Variants in MDGA2 observed in about 807,000 individuals in gnomAD.
MDGA2 encodes the protein MAM domain-containing glycosylphosphatidylinositol anchor protein 2.
In MDGA2, 40 loss-of-function variants were observed where a neutral mutation model predicts 117.8. The observed-to-expected ratio is 0.34, with a 90% confidence interval of 0.26 to 0.44. The LOEUF is 0.44. MDGA2 is among the 20% of genes least tolerant of loss of function. MDGA2 has a pLI of 1.00. For synonymous variants in MDGA2, 452 were observed against 439.0 expected (o/e 1.03, Z -0.37); for missense variants, 1,123 against 1,250.6 (o/e 0.90, Z 1.54).
At chr14:47,192,508 G>C (rs1885153075) in intron 3 of MDGA2, among the ~76,000 whole-genome samples, 1 of 152,096 alleles carries the variant, frequency 6.6e-6, no homozygotes, top group Admixed American at 6.5e-5. Context: ...CCAGCTACTT[G>C]GGAGGCTGAG....
At chr14:47,089,499 C>T (rs963397195) in intron 6 of MDGA2, among the ~76,000 whole-genome samples, 8 of 152,126 alleles carry the variant, frequency 5.3e-5, no homozygotes, top group Admixed American at 4.6e-4. Flanking sequence ...CCTCAGCCCC[C>T]TGAGTAGTTG....
At chr14:47,193,756 C>T (rs1469859250) in intron 3 of MDGA2, among the ~76,000 whole-genome samples, 1 of 152,142 alleles carries the variant, frequency 6.6e-6, no homozygotes, top group Non-Finnish European at 1.5e-5. Context: ...TAAAATTGTG[C>T]TCCTTTCTTC....
chr14:47,471,039 G>T (rs988617687), intron 1 of MDGA2, among the ~76,000 whole-genome samples: 1 of 152,090 alleles, frequency 6.6e-6, no homozygotes, highest in Non-Finnish European at 1.5e-5. Context: ...CTCTACTTGG[G>T]GTGGTATTGG....
chr14:47,164,532 C>A (rs1566659167), intron 3 of MDGA2, among the ~76,000 whole-genome samples: 2 of 152,156 alleles, frequency 1.3e-5, no homozygotes. Context: ...CAGAGAAATG[C>A]AAATCAAAAC....
At chr14:47,203,320 G>C (rs1885575888) in intron 3 of MDGA2, among the ~76,000 whole-genome samples, 1 of 151,950 alleles carries the variant, frequency 6.6e-6, no homozygotes, top group Non-Finnish European at 1.5e-5. Context: ...TATTTGTCAT[G>C]ACATGGGAGT....
chr14:47,222,423 G>C (rs1358682784), intron 2 of MDGA2, among the ~76,000 whole-genome samples: 3 of 152,028 alleles, frequency 2.0e-5, no homozygotes, highest in Non-Finnish European at 2.9e-5. Context: ...ATTCAGTAAA[G>C]TACAGAGCCA....
chr14:47,172,292 C>A (rs1283498440), intron 3 of MDGA2, among the ~76,000 whole-genome samples: 1 of 152,130 alleles, frequency 6.6e-6, no homozygotes, highest in Admixed American at 6.5e-5. Context: ...TTGAAGAGAG[C>A]AGTGGTTCTC....
chr14:46,862,146 A>G (rs1595002027), intron 14 of MDGA2, among the ~76,000 whole-genome samples: 1 of 152,056 alleles, frequency 6.6e-6, no homozygotes, highest in African/African-American at 2.4e-5. Context: ...TTCAAATTCT[A>G]TAGTTCTAGA....
intron 14 of MDGA2, among the ~76,000 whole-genome samples, chr14:46,862,423 A>G (rs1881547755): frequency 6.7e-6 from 1 of 148,828 alleles, no homozygotes; most frequent in South Asian, 2.1e-4. Flanking sequence ...ATATATTATA[A>G]TATAAACTAT....
rs561791939 is a variant in MDGA2 at position 46,955,405 on chromosome 14, C to T, written c.2089+1969G>A. 4.6e-5 allele frequency among the ~76,000 whole-genome samples: 7 copies of T among 152,042 alleles called. No individual in the cohort carries two copies. In the East Asian group the frequency reaches 9.6e-4, roughly 21 times the overall value. ...CTGCTATGACTTCACCATTAAAATA[C>T]GAGTAAATAAAATATATGCAAATGC... On this transcript the variant is annotated intron_variant, in intron 9 of 16. Transcript: ENST00000399232.
intron 14 of MDGA2, 128 bp downstream of exon 14, chr14:46,873,305 A>C (rs1882090062): frequency 1.2e-6 from 1 of 804,924 alleles, no homozygotes; most frequent in African/African-American, 1.8e-5. Flanking sequence ...CAATTTGCAG[A>C]TAAATCATTT....
At chr14:46,846,603 C>G (rs1412560830) in intron 15 of MDGA2, among the ~76,000 whole-genome samples, 1 of 152,042 alleles carries the variant, frequency 6.6e-6, no homozygotes, top group Non-Finnish European at 1.5e-5. Context: ...TTATTAAATA[C>G]TTAAAACAAT....
At chr14:46,923,814 C>G (rs1391382051) in intron 9 of MDGA2, among the ~76,000 whole-genome samples, 1 of 152,022 alleles carries the variant, frequency 6.6e-6, no homozygotes, top group Admixed American at 6.6e-5. Flanking sequence ...AAGAAAGACA[C>G]AGTAAAACCA....
intron 1 of MDGA2, among the ~76,000 whole-genome samples, chr14:47,469,029 G>T (rs924002709): frequency 1.3e-5 from 2 of 151,956 alleles, no homozygotes; most frequent in Non-Finnish European, 2.9e-5. Context: ...ATACTCCAAA[G>T]AAATATGAAA....
chr14:46,977,907 C>A (rs1316804474), intron 8 of MDGA2, among the ~76,000 whole-genome samples: 1 of 151,728 alleles, frequency 6.6e-6, no homozygotes, highest in South Asian at 2.1e-4. Context: ...TAATGTGTTG[C>A]TTTAGTCTCA....
At chr14:47,664,787 A>G (rs1566565071) in intron 1 of MDGA2, among the ~76,000 whole-genome samples, 1 of 152,228 alleles carries the variant, frequency 6.6e-6, no homozygotes, top group Admixed American at 6.5e-5. Flanking sequence ...GCTAAACAGC[A>G]CTTCTTTTTA....
chr14:47,558,741 G>T (rs1895736556), intron 1 of MDGA2, among the ~76,000 whole-genome samples: 1 of 151,882 alleles, frequency 6.6e-6, no homozygotes, highest in Admixed American at 6.6e-5. Flanking sequence ...TTTCACCAAG[G>T]GCAGAGAAGA....
intron 1 of MDGA2, among the ~76,000 whole-genome samples, chr14:47,481,973 T>C (rs573887381): frequency 4.8e-4 from 73 of 152,000 alleles, no homozygotes; most frequent in Non-Finnish European, 9.4e-4. Context: ...AATTCAGTAA[T>C]GTTACAGGTA....
intron 8 of MDGA2, among the ~76,000 whole-genome samples, chr14:46,977,511 G>A (rs990412042): frequency 1.3e-5 from 2 of 151,838 alleles, no homozygotes; most frequent in Admixed American, 1.3e-4. Context: ...ATCCAAATAT[G>A]AAATGGTCAT....
Sources: gnomAD v4.1 joint callset for allele counts (sites outside exome capture counted in the v4.1 genomes callset) on GRCh38, gnomAD v4.1.1 for gene constraint, MANE v1.5 for transcripts, NCBI Gene and HGNC (gene_info 2026-07-23, HGNC 2026-07-21) for gene names.